The following CARD10 variants were observed in gnomAD, a reference collection of about 807,000 sequenced individuals.
CARD10 encodes the protein caspase recruitment domain family member 10.
In CARD10, 49 loss-of-function variants were observed where a neutral mutation model predicts 114.6. The observed-to-expected ratio is 0.43, with a 90% CI of 0.34 to 0.54. CARD10 has a LOEUF of 0.54. CARD10 is among the 20% of genes least tolerant of loss of function. The pLI, the probability that CARD10 is intolerant of heterozygous loss-of-function variation, is 0.03. For missense variants in CARD10, 1,206 were observed against 1,397.2 expected (o/e 0.86, Z 2.18); for synonymous variants, 602 against 593.2 (o/e 1.01, Z -0.21).
At chr22:37,494,886 A>G (rs1387238790) in intron 15 of CARD10, among the ~76,000 whole-genome samples, 1 of 152,034 alleles carries the variant, frequency 6.6e-6, no homozygotes, top group African/African-American at 2.4e-5. Flanking sequence ...TCACTTGCCC[A>G]TGTGCACAGC....
In CARD10 at chr22:37,490,850, A is replaced by C. The variant is rs1922743020; in HGVS notation, c.*309T>G. On this transcript the variant is annotated 3_prime_UTR_variant, in exon 20 of 20. Coordinates refer to ENST00000251973, the MANE Select transcript of CARD10 (RefSeq NM_014550.4). ...GTGCAAACCTGCGCACAGGTGTGAG[A>C]ACAGACTCCAGGGCGAGTGTTTAAG... 2.4e-6 allele frequency: 1 copy of C among 415,504 alleles called. No homozygotes were observed. The allele number at this position is 415,504 out of a possible 1,614,324, so 25.7% of individuals were successfully genotyped here.
At position 37,504,222 on chromosome 22, in the gene CARD10, C is replaced by T. The variant is rs760556080; in HGVS notation, c.1598G>A (p.Arg533His). The T allele has an allele frequency of 7.0e-6, 11 of 1,574,776 alleles. No individual in the cohort carries two copies. The highest frequency in any genetic ancestry group is 8.6e-7 in the Non-Finnish European group (1 of 1,159,320). The change falls in exon 9 of 20, where the codon CGC becomes CAC. Residue 533 changes from arginine (R) to histidine (H), a missense_variant. Arg to His is a conservative substitution (Grantham distance 29). Transcript: ENST00000251973. ...TGCGGGGTCTTCCTCACGCTGCCGG[C>T]GGAGGATGGAGCCGGCACTGGGGGG... ...PFPPSAGSILRRQREEDPAPP... is the reference protein window; with the variant it reads ...PFPPSAGSILHRQREEDPAPP...
In CARD10 at chr22:37,497,020, T is replaced by C. The variant is rs575758505; in HGVS notation, c.1946A>G (p.Glu649Gly). 7 of 1,610,242 alleles carry C rather than the reference T, an allele frequency of 4.3e-6. No homozygotes were observed. The African/African-American group carries it at 6.7e-5, about 15-fold the overall frequency. ...CCAGCTCAGGAGGCAGGGCCTCACC[T>C]CTCTTGGTTCCATCCTGGCGGACCC... ...GPGSARMEPREQRVEAAGLEG... is the reference protein window; with the variant it reads ...GPGSARMEPRGQRVEAAGLEG... Residue 649 changes from glutamate to glycine, a missense_variant and splice_region_variant, in exon 12 of 20, where the codon GAG (glutamate) becomes GGG (glycine). This residue lies in a region of CARD10 where 1,068 missense variants were observed against 1,179.1 expected (regional missense o/e 0.91). Transcript: ENST00000251973.
At chr22:37,491,444 G>A (rs1259851642) in intron 19 of CARD10, 51 bp from the exon 20 acceptor site, 4 of 1,292,232 alleles carry the variant, frequency 3.1e-6, no homozygotes, top group Admixed American at 5.5e-5. Context: ...AAGACAGACA[G>A]AGAGACAGGG....
At chr22:37,505,158 T>G (rs1923361328) in intron 7 of CARD10, among the ~76,000 whole-genome samples, 1 of 151,634 alleles carries the variant, frequency 6.6e-6, no homozygotes, top group Admixed American at 6.6e-5. Flanking sequence ...GCATTCCAGT[T>G]GAAAGACTGG....
chr22:37,492,315 C>T lies in CARD10; in HGVS notation c.2751+120G>A, dbSNP rs144602721. The T allele has an allele frequency of 4.5e-4, 339 of 752,828 alleles. No individual in the cohort carries two copies. In the East Asian group the frequency reaches 8.1e-3, roughly 18 times the overall value. The allele number at this position is 752,828 out of a possible 1,614,324, so 46.6% of individuals were successfully genotyped here. A position where few individuals can be genotyped will look rare whatever the true frequency, so the allele number is the denominator to read the frequency against. ...AGGAGGGAAAGGACTTGGCCAGGGC[C>T]GCCCTGCCAGTGAGCAGCAGAGCAT... On this transcript the variant is annotated intron_variant, in intron 18 of 19. Coordinates refer to ENST00000251973, the MANE Select transcript of CARD10 (RefSeq NM_014550.4). This position sits in a 1 kb window ranked among gnomAD's most constrained non-coding sequence, Gnocchi z 5.7.
rs1274910888 is a variant in CARD10, at chr22:37,519,369, C to A, written c.-169G>T. On this transcript the variant is annotated 5_prime_UTR_variant, in exon 1 of 20. Transcript: ENST00000251973. This position sits in a 1 kb window ranked among gnomAD's most constrained non-coding sequence, Gnocchi z 4.1. The stretch of plus-strand genomic sequence containing the variant: ...CCGCACGCTACAGTCGCCTCGGGCT[C>A]CCGGGTCCGCACTCGGGCGGCGGCT... 7.0e-5 allele frequency: 86 copies of A among 1,225,880 alleles called. No homozygotes were observed. The highest frequency in any genetic ancestry group is 1.3e-4 in the Admixed American group (3 of 23,280). 75.9% of individuals were successfully genotyped at this position (1,225,880 alleles called of 1,614,324 possible). A position where few individuals can be genotyped will look rare whatever the true frequency, so the allele number is the denominator to read the frequency against.
At chr22:37,505,914 G>A (rs574682293) in intron 7 of CARD10, among the ~76,000 whole-genome samples, 1 of 152,264 alleles carries the variant, frequency 6.6e-6, no homozygotes, top group East Asian at 1.9e-4. Context: ...GCCTTCCCCA[G>A]TTAAATGCAA....
Position 37,496,439 on chromosome 22 carries a change from C to A in CARD10, c.2059+10G>T, listed in dbSNP as rs1221463586. 1.2e-5 allele frequency: 20 copies of A among 1,600,242 alleles called. No homozygotes were observed. The South Asian group carries it at 2.2e-4, about 18-fold the overall frequency. On this transcript the variant is annotated intron_variant, in intron 13 of 19. Transcript: ENST00000251973. The surrounding 1 kb of genome is among the most constrained non-coding windows in gnomAD (Gnocchi z 4.1). ...GGGGCCAACAGCTCCGACTCCCAAG[C>A]CAGACTTACCCTTCGAGTCCATCAG...
At chr22:37,491,650 G>A in intron 19 of CARD10, 105 bp downstream of exon 19, 1 of 574,552 alleles carries the variant, frequency 1.7e-6, no homozygotes, top group Non-Finnish European at 3.1e-6. Flanking sequence ...GAGGGGGAGG[G>A]AGAAAGAGGG....
Position 37,491,830 on chromosome 22 carries a change from C to A in CARD10, c.2789G>T (p.Arg930Leu), listed in dbSNP as rs147081604. ...CLLELGARGV[R>L]ELVQNEIYPI... is the part of the protein sequence containing the mutation. ...GTAGATCTCGTTCTGCACCAGCTCC[C>A]GCACACCCCGAGCACCCAGCTCCAG... is the stretch of plus-strand genomic sequence containing the variant. Residue 930 changes from arginine to leucine, a missense_variant, in exon 19 of 20, where the codon CGG (arginine) becomes CTG (leucine). Coordinates refer to ENST00000251973, the MANE Select transcript of CARD10 (RefSeq NM_014550.4). The A allele has an allele frequency of 1.3e-6, 2 of 1,593,442 alleles. No homozygotes were observed. The highest frequency in any genetic ancestry group is 2.8e-5 in the African/African-American group (2 of 70,730).
intron 6 of CARD10, among the ~76,000 whole-genome samples, chr22:37,506,653 A>G (rs1322982420): frequency 3.3e-5 from 5 of 152,212 alleles, no homozygotes; most frequent in Non-Finnish European, 7.3e-5. Flanking sequence ...CGGGCAGTCC[A>G]TCTGCAGAAT....
chr22:37,511,357 C>CAA (rs1169625822), intron 3 of CARD10, among the ~76,000 whole-genome samples: 13 of 65,804 alleles, frequency 2.0e-4, no homozygotes, highest in African/African-American at 3.5e-4. Flanking sequence ...GACCCTGTCT[C>CAA]AAAAAAAAAA....
chr22:37,516,087 G>C lies in CARD10; in HGVS notation c.585C>G (p.Gly195=). 6.3e-7 allele frequency: 1 copy of C among 1,595,412 alleles called. No individual in the cohort carries two copies. Among genetic ancestry groups the C allele is most frequent in the Non-Finnish European group, 8.5e-7 (1 of 1,171,592 alleles). The change falls in exon 3 of 20, where the codon GGC becomes GGG. Residue 195 remains glycine, a synonymous_variant. Transcript: ENST00000251973. ...CQRLREDWEA[G]SLELLRLKDE... ...CCTTGAGCCGCAGCAGCTCCAGGCT[G>C]CCCGCCTCCCAGTCCTCCCGCAGCC...
rs1417099500 is a variant in CARD10, at chr22:37,508,588, A to G, written c.1004T>C (p.Leu335Pro). Residue 335 changes from leucine to proline, a missense_variant, in exon 5 of 20, where the codon CTG becomes CCG. Transcript: ENST00000251973. Reference sequence around the variant, plus strand: ...CTGCACGGCATGCAGCTTCTGGCACAGCTCCTGCCTGCTGTCCTGCGCCTC... The same window carrying G: ...CTGCACGGCATGCAGCTTCTGGCACGGCTCCTGCCTGCTGTCCTGCGCCTC... ...WREAQDSRQE[L>P]CQKLHAVQGE... The G allele has an allele frequency of 6.3e-7, 1 of 1,593,876 alleles. No homozygotes were observed. Among genetic ancestry groups the G allele is most frequent in the Non-Finnish European group, 8.5e-7 (1 of 1,175,138 alleles).
intron 16 of CARD10, among the ~76,000 whole-genome samples, chr22:37,493,672 T>C (rs369566373): frequency 5.3e-4 from 81 of 152,168 alleles, no homozygotes; most frequent in African/African-American, 1.9e-3. Context: ...GCCCCAGATT[T>C]GCTACTCCCT....
chr22:37,498,891 TG>T (rs1477453945), intron 11 of CARD10, among the ~76,000 whole-genome samples: 1 of 10,648 alleles, frequency 9.4e-5, no homozygotes, highest in Non-Finnish European at 1.8e-4. Flanking sequence ...TTGCCCTCTG[TG>T]GGTGCTGGGG....
chr22:37,502,740 T>G lies in CARD10; in HGVS notation c.1664-15A>C. ...TGTCACACTCCCTGGGGAAAAAGAA[T>G]GAGGTTCAGGGATCTGGCACTGGGA... On this transcript the variant is annotated splice_polypyrimidine_tract_variant and intron_variant, in intron 10 of 19. Coordinates refer to ENST00000251973, the MANE Select transcript of CARD10 (RefSeq NM_014550.4). The G allele has an allele frequency of 6.2e-7, 1 of 1,611,274 alleles. No individual in the cohort carries two copies. Among genetic ancestry groups the G allele is most frequent in the Non-Finnish European group, 8.5e-7 (1 of 1,178,950 alleles).
At chr22:37,512,074 G>A (rs565715637) in intron 3 of CARD10, 1 of 152,364 alleles carries the variant, frequency 6.6e-6, no homozygotes, top group Admixed American at 6.5e-5. Context: ...GCCACAGTGT[G>A]ACCGTGGCTG....
Sources: gnomAD v4.1 joint callset for allele counts (sites outside exome capture counted in the v4.1 genomes callset) on GRCh38, gnomAD v4.1.1 for gene constraint, gnomAD v4.1.1 regional missense constraint, Gnocchi (gnomAD v3.1) non-coding constraint, MANE v1.5 for transcripts, NCBI Gene and HGNC (gene_info 2026-07-23, HGNC 2026-07-21) for gene names.